The following ERN1 variants were observed in gnomAD, a reference collection of about 807,000 sequenced individuals.
ERN1 encodes serine/threonine-protein kinase/endoribonuclease IRE1.
A neutral mutation model predicts 113.1 loss-of-function variants in ERN1; 39 were observed. The ratio of observed to expected loss-of-function variants is 0.34; its 90% CI spans 0.27 to 0.45. The LOEUF (loss-of-function observed/expected upper bound fraction) is 0.45, where lower values mean the gene tolerates loss of function less well. Ranked by LOEUF, ERN1 falls within the 20% of genes least tolerant of loss-of-function variation. ERN1 has a pLI of 1.00. For missense variants in ERN1, 976 were observed against 1,274.8 expected (o/e 0.77, Z 3.57); for synonymous variants, 507 against 515.9 (o/e 0.98, Z 0.23).
At chr17:64,080,082 C>A (rs1913720516) in intron 3 of ERN1, among the ~76,000 whole-genome samples, 1 of 152,168 alleles carries the variant, frequency 6.6e-6, no homozygotes, top group Non-Finnish European at 1.5e-5. Flanking sequence ...ATTTCTACAT[C>A]AATTGTATAT....
intron 19 of ERN1, among the ~76,000 whole-genome samples, chr17:64,046,746 T>G (rs1393885712): frequency 3.3e-5 from 5 of 152,156 alleles, no homozygotes; most frequent in Admixed American, 6.5e-5. Context: ...GAGAGCATGA[T>G]GGTCACTTCT....
At chr17:64,101,366 C>T (rs763641056) in intron 1 of ERN1, among the ~76,000 whole-genome samples, 1 of 151,844 alleles carries the variant, frequency 6.6e-6, no homozygotes, top group Non-Finnish European at 1.5e-5. Flanking sequence ...GCTGAGATCA[C>T]GCCACTGTAC....
chr17:64,085,675 C>T (rs964604609), intron 2 of ERN1, among the ~76,000 whole-genome samples: 2 of 152,226 alleles, frequency 1.3e-5, no homozygotes, highest in Non-Finnish European at 2.9e-5. Context: ...GCTCTACTCA[C>T]CCTGAACCCA....
At position 64,042,397 on chromosome 17, in the gene ERN1, T is replaced by C. The variant is rs1351057191; in HGVS notation, c.*1591A>G. On this transcript the variant is annotated 3_prime_UTR_variant, in exon 22 of 22. Coordinates refer to ENST00000433197, the MANE Select transcript of ERN1 (RefSeq NM_001433.5). The stretch of plus-strand genomic sequence containing the variant: ...TTCTACAAAGGCAGAATGAGAGCTT[T>C]TGATGAGTAACCATGATACAAATAC... 1 of 152,212 alleles carries C rather than the reference T, an allele frequency of 6.6e-6. No homozygotes were observed. The highest frequency in any genetic ancestry group is 1.5e-5 in the Non-Finnish European group (1 of 68,046). 9.4% of individuals were successfully genotyped at this position (152,212 alleles called of 1,614,324 possible).
At chr17:64,127,399 G>C (rs1915107990) in intron 1 of ERN1, among the ~76,000 whole-genome samples, 1 of 152,156 alleles carries the variant, frequency 6.6e-6, no homozygotes, top group African/African-American at 2.4e-5. Flanking sequence ...ACGTGTGAAG[G>C]TGGTGCCTTC....
intron 2 of ERN1, among the ~76,000 whole-genome samples, chr17:64,089,046 G>A (rs919017222): frequency 1.3e-5 from 2 of 152,118 alleles, no homozygotes; most frequent in Non-Finnish European, 2.9e-5. Context: ...TGGGCCGGGC[G>A]CAGTGGCTCA....
chr17:64,075,989 T>A (rs180757965), intron 4 of ERN1, among the ~76,000 whole-genome samples: 2 of 152,232 alleles, frequency 1.3e-5, no homozygotes, highest in Admixed American at 6.5e-5. Flanking sequence ...AGAGTTTTGA[T>A]GTTTTCTTCA....
chr17:64,111,480 C>T (rs1297394450), intron 1 of ERN1, among the ~76,000 whole-genome samples: 1 of 152,074 alleles, frequency 6.6e-6, no homozygotes, highest in East Asian at 1.9e-4. Flanking sequence ...CTCAGCCTCC[C>T]GAGTAGCTGG....
intron 6 of ERN1, among the ~76,000 whole-genome samples, chr17:64,070,832 G>A (rs918527574): frequency 1.3e-5 from 2 of 152,052 alleles, no homozygotes; most frequent in Admixed American, 6.5e-5. Flanking sequence ...TGGCATCCCC[G>A]ACATGTGTGA....
At chr17:64,066,130 C>T (rs1379498342) in intron 8 of ERN1, among the ~76,000 whole-genome samples, 2 of 152,038 alleles carry the variant, frequency 1.3e-5, no homozygotes, top group Admixed American at 6.6e-5. Context: ...GAACAGAAGC[C>T]TGCTGAGTCT....
At chr17:64,075,097 C>T (rs1913545893) in intron 5 of ERN1, 78 bp downstream of exon 5, 4 of 1,224,602 alleles carry the variant, frequency 3.3e-6, no homozygotes, top group Non-Finnish European at 4.7e-6. Context: ...ACTGCGCCCT[C>T]TCTCTCCGCA....
intron 1 of ERN1, among the ~76,000 whole-genome samples, chr17:64,107,167 G>C (rs938318380): frequency 1.3e-5 from 2 of 152,066 alleles, no homozygotes; most frequent in Admixed American, 6.6e-5. Context: ...TAAGTGCAAA[G>C]GTCCATGACA....
chr17:64,119,730 C>T (rs1314682608), intron 1 of ERN1, among the ~76,000 whole-genome samples: 5 of 151,882 alleles, frequency 3.3e-5, no homozygotes, highest in Non-Finnish European at 7.4e-5. Flanking sequence ...AGTTCTAACA[C>T]TAACTAGCGG....
intron 1 of ERN1, among the ~76,000 whole-genome samples, chr17:64,116,704 C>G (rs540049825): frequency 6.6e-6 from 1 of 151,870 alleles, no homozygotes; most frequent in African/African-American, 2.4e-5. Context: ...TTTGGGTGCA[C>G]AGCCATCACA....
chr17:64,073,626 G>C (rs1478294422), intron 5 of ERN1, among the ~76,000 whole-genome samples: 1 of 152,090 alleles, frequency 6.6e-6, no homozygotes, highest in East Asian at 1.9e-4. Context: ...TGAGTAGCTG[G>C]GACTACAAGC....
At chr17:64,068,584 G>A (rs1913313448) in intron 6 of ERN1, among the ~76,000 whole-genome samples, 1 of 152,148 alleles carries the variant, frequency 6.6e-6, no homozygotes, top group South Asian at 2.1e-4. Flanking sequence ...TTAAGCTTCG[G>A]GGTGCCTTAT....
chr17:64,045,371 G>A lies in ERN1; in HGVS notation c.2641C>T (p.Pro881Ser), dbSNP rs755843783. The change falls in exon 20 of 22, where the codon CCC becomes TCC. Residue 881 changes from proline (P) to serine (S), a missense_variant. Pro to Ser is a moderately conservative substitution (Grantham distance 74). This residue lies in a region of ERN1 where 297 missense variants were observed against 457.8 expected (regional missense o/e 0.65). Transcript: ENST00000433197. ...GCAGCATGATCACCTGTCTGGAGGG[G>A]GACAGTGATGTTCTCCCGCCAGTCC... ...KMDWRENITVPLQTDLRKFRT... is the reference protein window; with the variant it reads ...KMDWRENITVSLQTDLRKFRT... The A allele has an allele frequency of 6.2e-7, 1 of 1,613,834 alleles. No homozygotes were observed. The highest frequency in any genetic ancestry group is 1.1e-5 in the South Asian group (1 of 91,070).
Position 64,066,652 on chromosome 17 carries a change from C to T in ERN1, c.842+19G>A, listed in dbSNP as rs765612575. ...CGAAGGCCACGGCCGCCCTCTCCTT[C>T]CCCGAGCTCCCAACTCACGTCAGCT... On this transcript the variant is annotated intron_variant, in intron 8 of 21. Transcript: ENST00000433197. 1.9e-6 allele frequency: 3 copies of T among 1,611,780 alleles called. No individual in the cohort carries two copies. The highest frequency in any genetic ancestry group is 2.5e-6 in the Non-Finnish European group (3 of 1,178,046).
intron 2 of ERN1, among the ~76,000 whole-genome samples, chr17:64,095,066 A>G (rs1053550279): frequency 1.3e-5 from 2 of 152,232 alleles, no homozygotes; most frequent in African/African-American, 4.8e-5. Context: ...TAGAAATATA[A>G]GTCAAGGCCA....
Sources: gnomAD v4.1 joint callset for allele counts (sites outside exome capture counted in the v4.1 genomes callset) on GRCh38, gnomAD v4.1.1 for gene constraint, gnomAD v4.1.1 regional missense constraint, MANE v1.5 for transcripts, NCBI Gene and HGNC (gene_info 2026-07-23, HGNC 2026-07-21) for gene names.